FAM228B: variants seen among roughly 807,000 people sequenced by gnomAD.
FAM228B encodes family with sequence similarity 228 member B.
In FAM228B, 38 loss-of-function variants were observed where a neutral mutation model predicts 42.6. That is an observed-to-expected ratio of 0.89 (90% CI 0.69 to 1.17). The LOEUF (loss-of-function observed/expected upper bound fraction) is 1.17, where lower values mean the gene tolerates loss of function less well. Among genes scored for constraint, FAM228B ranks in the 50% most tolerant of loss-of-function variants. The pLI, the probability that FAM228B is intolerant of heterozygous loss-of-function variation, is 0.00. For synonymous variants in FAM228B, 109 were observed against 122.3 expected, an observed-to-expected ratio of 0.89 and a Z score of 0.72; for missense variants, 344 against 367.3, an observed-to-expected ratio of 0.94 and a Z score of 0.52.
chr2:24,090,356 A>G (rs1665363444), intron 2 of FAM228B, among the ~76,000 whole-genome samples: 1 of 151,840 alleles, frequency 6.6e-6, no homozygotes, highest in African/African-American at 2.4e-5. Flanking sequence ...CCAAGGGGGG[A>G]GCAGAACAGT....
intron 5 of FAM228B, among the ~76,000 whole-genome samples, chr2:24,145,486 G>A (rs1394567008): frequency 6.6e-6 from 1 of 152,104 alleles, no homozygotes; most frequent in East Asian, 1.9e-4. Context: ...CCTCCCCTAC[G>A]GAAGCAATCC....
At chr2:24,121,375 GTTTTTTA>G, upstream of FAM228B, 1 of 1,396,540 alleles carries the variant, frequency 7.2e-7, no homozygotes, top group Admixed American at 2.1e-5. Flanking sequence ...CCCACTACCT[GTTTTTTA>G]TGGCCTGCAA....
At chr2:24,156,782 C>CT (rs1487064199) in intron 7 of FAM228B, among the ~76,000 whole-genome samples, 1 of 121,218 alleles carries the variant, frequency 8.2e-6, no homozygotes, top group African/African-American at 2.9e-5. Flanking sequence ...CCGCCCCCCC[C>CT]CCCCCAGCTT....
intron 7 of FAM228B, among the ~76,000 whole-genome samples, chr2:24,149,270 G>A (rs1379623381): frequency 1.3e-5 from 2 of 152,098 alleles, no homozygotes; most frequent in Non-Finnish European, 2.9e-5. Flanking sequence ...CACGTGGTAG[G>A]TCTATTTTTA....
chr2:24,153,415 C>A (rs1667065980), intron 7 of FAM228B, among the ~76,000 whole-genome samples: 1 of 152,196 alleles, frequency 6.6e-6, no homozygotes, highest in South Asian at 2.1e-4. Flanking sequence ...GTGATGAATC[C>A]TGCCAGGGTT....
chr2:24,153,910 C>T (rs1176257253), intron 7 of FAM228B, among the ~76,000 whole-genome samples: 1 of 152,222 alleles, frequency 6.6e-6, no homozygotes, highest in Non-Finnish European at 1.5e-5. Flanking sequence ...CTGGCTAAGG[C>T]TGGTCCAAAT....
intron 2 of FAM228B, among the ~76,000 whole-genome samples, chr2:24,132,554 G>A (rs1295010031): frequency 3.7e-5 from 5 of 136,648 alleles, no homozygotes; most frequent in African/African-American, 8.3e-5. Context: ...TCAGGGATTC[G>A]ACTTCTTCCT....
At chr2:24,125,611 A>C (rs1037200890) in intron 2 of FAM228B, among the ~76,000 whole-genome samples, 1 of 151,808 alleles carries the variant, frequency 6.6e-6, no homozygotes, top group African/African-American at 2.4e-5. Flanking sequence ...CTCAGCCAGG[A>C]AAACACTGGC....
chr2:24,114,033 T>C (rs1453036517), intron 3 of FAM228B, among the ~76,000 whole-genome samples: 1 of 152,160 alleles, frequency 6.6e-6, no homozygotes, highest in Non-Finnish European at 1.5e-5. Context: ...AAAGGAATGA[T>C]GTTGGAAGTA....
Position 24,087,829 on chromosome 2 carries a change from G to A in FAM228B, c.-210+6874G>A, listed in dbSNP as rs991303024. 1.1e-4 allele frequency among the ~76,000 whole-genome samples: 16 copies of A among 145,728 alleles called. No individual in the cohort carries two copies. In the East Asian group the frequency reaches 2.6e-3, roughly 24 times the overall value. ...CAGAGTCTCACTCTGTCACCCAGGC[G>A]ATCTCGGCTCCCTGCAATCCTCTCA... is the stretch of plus-strand genomic sequence containing the variant. On this transcript the variant is annotated intron_variant, in intron 2 of 10. Coordinates refer to the FAM228B transcript ENST00000613899.
At chr2:24,083,287 A>G in intron 2 of FAM228B, 1 of 1,180,886 alleles carries the variant, frequency 8.5e-7, no homozygotes, top group Non-Finnish European at 1.2e-6. Flanking sequence ...TTTTGTAAGT[A>G]AGGAGAAGAA....
intron 5 of FAM228B, among the ~76,000 whole-genome samples, chr2:24,145,445 C>T (rs1666870414): frequency 6.6e-6 from 1 of 152,194 alleles, no homozygotes; most frequent in African/African-American, 2.4e-5. Context: ...CCTACCCATC[C>T]AACACCATAG....
upstream of FAM228B, chr2:24,123,009 C>T (rs557922362): frequency 6.5e-6 from 1 of 152,902 alleles, no homozygotes; most frequent in South Asian, 2.1e-4. Flanking sequence ...TGCATCAGCG[C>T]CAGCTATGAA....
chr2:24,144,373 G>A (rs1344069085), intron 5 of FAM228B, among the ~76,000 whole-genome samples: 1 of 152,122 alleles, frequency 6.6e-6, no homozygotes, highest in Non-Finnish European at 1.5e-5. Flanking sequence ...GGAGGTTGAA[G>A]CTGCGGTGAG....
At position 24,139,463 on chromosome 2, in the gene FAM228B, T is replaced by TC; in HGVS notation, c.441+14dup. On this transcript the variant is annotated intron_variant, in intron 5 of 10. Coordinates refer to ENST00000615575, the MANE Select transcript of FAM228B (RefSeq NM_001145710.2). Reference sequence around the variant, plus strand: ...CAATTTTCTGAAGGTAGGGTAGATTTCTTTTTTTTAACTTTGGTATTATGT... The same window carrying TC: ...CAATTTTCTGAAGGTAGGGTAGATTTCCTTTTTTTTAACTTTGGTATTATGT... The TC allele has an allele frequency of 6.6e-7, 1 of 1,509,234 alleles. No individual in the cohort carries two copies. Among genetic ancestry groups the TC allele is most frequent in the African/African-American group, 1.4e-5 (1 of 72,198 alleles). The allele number at this position is 1,509,234 out of a possible 1,614,324, so 93.5% of individuals were successfully genotyped here.
At chr2:24,138,593 C>G (rs1666663662) in intron 4 of FAM228B, among the ~76,000 whole-genome samples, 2 of 151,950 alleles carry the variant, frequency 1.3e-5, no homozygotes, top group South Asian at 4.2e-4. Flanking sequence ...CCTCGGCCTC[C>G]CAAAGTGCTG....
intron 7 of FAM228B, among the ~76,000 whole-genome samples, chr2:24,160,580 A>G (rs1229236353): frequency 1.3e-5 from 2 of 151,474 alleles, no homozygotes; most frequent in Non-Finnish European, 2.9e-5. Context: ...TAAGATTTTA[A>G]TTTCTTAAAT....
intron 3 of FAM228B, among the ~76,000 whole-genome samples, chr2:24,097,623 A>C (rs905101969): frequency 1.3e-5 from 2 of 152,188 alleles, no homozygotes; most frequent in African/African-American, 4.8e-5. Context: ...GAGCACCCAG[A>C]TTCATAAAGC....
chr2:24,117,337 T>C (rs1665952945), intron 3 of FAM228B, among the ~76,000 whole-genome samples: 1 of 152,130 alleles, frequency 6.6e-6, no homozygotes, highest in Non-Finnish European at 1.5e-5. Flanking sequence ...GTGACAGAAG[T>C]AGCATAGCAT....
Sources: gnomAD v4.1 joint callset for allele counts (sites outside exome capture counted in the v4.1 genomes callset) on GRCh38, gnomAD v4.1.1 for gene constraint, MANE v1.5 for transcripts, NCBI Gene and HGNC (gene_info 2026-07-23, HGNC 2026-07-21) for gene names.